The following SMCO2 variants were observed in gnomAD, a reference collection of about 807,000 sequenced individuals.
SMCO2 encodes single-pass membrane protein with coiled-coil domains 2, also known as single-pass membrane and coiled-coil domain-containing protein 2.
In SMCO2, 25 loss-of-function variants were observed where a neutral mutation model predicts 29.5. The observed-to-expected ratio is 0.85, with a 90% confidence interval of 0.62 to 1.18. The LOEUF (loss-of-function observed/expected upper bound fraction) is 1.18, where lower values mean the gene tolerates loss of function less well. Among genes scored for constraint, SMCO2 ranks in the 50% most tolerant of loss-of-function variants. The pLI is 0.00. For missense variants in SMCO2, 348 were observed against 344.5 expected (o/e 1.01, Z -0.08); for synonymous variants, 117 against 123.3 (o/e 0.95, Z 0.34).
intron 1 of SMCO2, among the ~76,000 whole-genome samples, chr12:27,467,294 C>T: frequency 6.6e-6 from 1 of 151,984 alleles, no homozygotes; most frequent in Non-Finnish European, 1.5e-5. Context: ...CCATTTGTAC[C>T]AAACAATCCT....
At chr12:27,432,910 T>C in the SMCO2 span, among the ~76,000 whole-genome samples, 2 of 152,244 alleles carry the variant, frequency 1.3e-5, no homozygotes, top group Non-Finnish European at 2.9e-5. Flanking sequence ...TTTTTTATAT[T>C]GATTTGTCCA....
intron 4 of SMCO2, among the ~76,000 whole-genome samples, chr12:27,485,590 G>T (rs569204411): frequency 6.6e-6 from 1 of 151,476 alleles, no homozygotes; most frequent in African/African-American, 2.4e-5. Flanking sequence ...TTATAGGCAC[G>T]TGCCACCCAT....
At chr12:27,497,849 G>T in intron 7 of SMCO2, 1 of 291,362 alleles carries the variant, frequency 3.4e-6, no homozygotes. Flanking sequence ...GGTGAACAGT[G>T]GACAATCTCT....
chr12:27,475,581 G>A lies in SMCO2; in HGVS notation c.362+668G>A, dbSNP rs1394963881. The A allele has an allele frequency of 2.0e-6, 3 of 1,522,092 alleles. No homozygotes were observed. Among genetic ancestry groups the A allele is most frequent in the Non-Finnish European group, 1.8e-6 (2 of 1,138,232 alleles). 94.3% of individuals were successfully genotyped at this position (1,522,092 alleles called of 1,614,324 possible). A position where few individuals can be genotyped will look rare whatever the true frequency, so the allele number is the denominator to read the frequency against. On this transcript the variant is annotated intron_variant, in intron 4 of 7. Transcript: ENST00000298876. Reference sequence around the variant, plus strand: ...AAATGATCACCATAATATTTCCGCAGGTGTCTGAAGGGCATGTTCCTCAAG... The same window carrying A: ...AAATGATCACCATAATATTTCCGCAAGTGTCTGAAGGGCATGTTCCTCAAG...
At chr12:27,473,029 C>T in intron 3 of SMCO2, 154 bp downstream of exon 3, 1 of 607,300 alleles carries the variant, frequency 1.6e-6, no homozygotes, top group Non-Finnish European at 2.9e-6. Flanking sequence ...AGGAGGGAGG[C>T]AGGGAATATG....
chr12:27,462,794 A>T (rs927700680), upstream of SMCO2, among the ~76,000 whole-genome samples: 5 of 152,248 alleles, frequency 3.3e-5, no homozygotes, highest in East Asian at 1.9e-4. Flanking sequence ...ACTCATTAAA[A>T]GGTTTAGATT....
rs561781333 is a variant in SMCO2 at position 27,500,146 on chromosome 12, C to A, written c.684-1777C>A. The stretch of plus-strand genomic sequence containing the variant: ...AGAAAACTTATTTCAATTTAGTTAA[C>A]TATTTTTTTTTCCCAAAGAAAAATG... On this transcript the variant is annotated intron_variant, in intron 7 of 7. Transcript: ENST00000298876. 5.5e-5 allele frequency among the ~76,000 whole-genome samples: 8 copies of A among 144,220 alleles called. No homozygotes were observed. The East Asian group carries it at 1.7e-3, about 30-fold the overall frequency. 94.6% of individuals were successfully genotyped at this position (144,220 alleles called of 152,430 possible).
At chr12:27,495,979 C>G in intron 7 of SMCO2, 124 bp downstream of exon 8, 4 of 1,036,392 alleles carry the variant, frequency 3.9e-6, no homozygotes, top group Non-Finnish European at 5.1e-6. Context: ...TGTAAATTAT[C>G]TATGTTCTTT....
intron 7 of SMCO2, among the ~76,000 whole-genome samples, chr12:27,496,246 A>G (rs888252641): frequency 1.3e-5 from 2 of 150,452 alleles, no homozygotes; most frequent in African/African-American, 5.0e-5. Flanking sequence ...TCTTCCAAAC[A>G]ACATTAAGTC....
the SMCO2 span, among the ~76,000 whole-genome samples, chr12:27,461,389 A>C: frequency 6.6e-6 from 1 of 152,006 alleles, no homozygotes; most frequent in Non-Finnish European, 1.5e-5. Context: ...GTAGTTTTTC[A>C]ATCCTCCTCC....
At chr12:27,451,817 C>T in the SMCO2 span, among the ~76,000 whole-genome samples, 2 of 152,178 alleles carry the variant, frequency 1.3e-5, no homozygotes, top group Non-Finnish European at 2.9e-5. Flanking sequence ...TAATGAGAAC[C>T]GTGCATATTC....
the SMCO2 span, among the ~76,000 whole-genome samples, chr12:27,425,520 ACTCT>A: frequency 6.7e-6 from 1 of 150,188 alleles, no homozygotes; most frequent in African/African-American, 2.5e-5. Flanking sequence ...TGTCCCTCTG[ACTCT>A]CTCCTCCTCC....
chr12:27,436,075 A>G, the SMCO2 span, among the ~76,000 whole-genome samples: 3 of 152,338 alleles, frequency 2.0e-5, no homozygotes, highest in East Asian at 3.9e-4. Flanking sequence ...GTGTCCTCAC[A>G]TGATAGAAAA....
At chr12:27,453,176 G>A in the SMCO2 span, among the ~76,000 whole-genome samples, 2 of 152,200 alleles carry the variant, frequency 1.3e-5, no homozygotes, top group Non-Finnish European at 2.9e-5. Context: ...GGCCATGATA[G>A]TACCTTCTCC....
intron 2 of SMCO2, 137 bp from the exon 3 acceptor site, chr12:27,472,639 A>G: frequency 1.8e-6 from 1 of 548,874 alleles, no homozygotes; most frequent in Non-Finnish European, 3.2e-6. Flanking sequence ...CCCAGAAAGA[A>G]CTCAGTACAA....
the SMCO2 span, among the ~76,000 whole-genome samples, chr12:27,427,893 G>T: frequency 6.6e-6 from 1 of 152,214 alleles, no homozygotes; most frequent in Non-Finnish European, 1.5e-5. Context: ...GTTTGAAGGT[G>T]AGAGTTTGTT....
chr12:27,501,790 T>C (rs1234931609), intron 7 of SMCO2, 133 bp from the exon 9 acceptor site: 1 of 649,452 alleles, frequency 1.5e-6, no homozygotes, highest in Non-Finnish European at 2.5e-6. Context: ...CTGCTGCTTT[T>C]ACAAATGTAA....
chr12:27,424,531 G>A, the SMCO2 span: 6 of 152,304 alleles, frequency 3.9e-5, no homozygotes, highest in East Asian at 3.9e-4. Flanking sequence ...ACAGTGTCAC[G>A]ACAGAAAAGG....
chr12:27,499,558 A>T (rs1376983433), intron 7 of SMCO2, among the ~76,000 whole-genome samples: 1 of 150,696 alleles, frequency 6.6e-6, no homozygotes. Flanking sequence ...TCTGGATTGT[A>T]CAATGTATAG....
Sources: gnomAD v4.1 joint callset for allele counts (sites outside exome capture counted in the v4.1 genomes callset) on GRCh38, gnomAD v4.1.1 for gene constraint, MANE v1.5 for transcripts, NCBI Gene and HGNC (gene_info 2026-07-23, HGNC 2026-07-21) for gene names.